Variants in ANKS1B observed in about 807,000 individuals in gnomAD.
ANKS1B encodes ankyrin repeat and sterile alpha motif domain containing 1B, also known as ankyrin repeat and sterile alpha motif domain-containing protein 1B.
ANKS1B carries 36 observed loss-of-function variants against 148.3 expected under a neutral mutation model. The observed-to-expected ratio is 0.24, with a 90% confidence interval of 0.19 to 0.32. The LOEUF (loss-of-function observed/expected upper bound fraction) is 0.32. Among genes scored for constraint, ANKS1B ranks in the 10% least tolerant of loss-of-function variants. The pLI is 1.00. For missense variants in ANKS1B, 1,157 were observed against 1,542.6 expected (o/e 0.75, Z 4.19); for synonymous variants, 542 against 560.8 (o/e 0.97, Z 0.47).
At chr12:99,429,181 A>G (rs12427349) in intron 11 of ANKS1B, among the ~76,000 whole-genome samples, 20,075 of 152,198 alleles carry the variant, frequency 0.13, 1,576 homozygotes, top group East Asian at 0.38. Flanking sequence ...GAAGAGAAAG[A>G]GTAACCTTAC....
intron 17 of ANKS1B, among the ~76,000 whole-genome samples, chr12:98,936,242 A>C (rs1381172612): frequency 6.6e-6 from 1 of 152,180 alleles, no homozygotes; most frequent in East Asian, 1.9e-4. Flanking sequence ...AGTTCATGGA[A>C]AGCATATTCT....
intron 1 of ANKS1B, among the ~76,000 whole-genome samples, chr12:99,924,834 T>C (rs923109972): frequency 2.6e-5 from 4 of 152,134 alleles, no homozygotes; most frequent in Non-Finnish European, 4.4e-5. Context: ...GCTGCCCAAA[T>C]AGACTAAAGA....
chr12:99,965,288 G>T (rs2095471450), intron 1 of ANKS1B, among the ~76,000 whole-genome samples: 1 of 152,020 alleles, frequency 6.6e-6, no homozygotes, highest in Non-Finnish European at 1.5e-5. Flanking sequence ...AGCCTAAAAG[G>T]GATCCTACTA....
intron 17 of ANKS1B, among the ~76,000 whole-genome samples, chr12:98,999,391 G>A (rs558242299): frequency 9.2e-5 from 14 of 152,136 alleles, no homozygotes; most frequent in African/African-American, 2.9e-4. Context: ...TGGTTACAGC[G>A]TGCCCTGGTC....
chr12:99,471,677 C>A (rs185784782), intron 10 of ANKS1B, among the ~76,000 whole-genome samples: 1 of 151,808 alleles, frequency 6.6e-6, no homozygotes, highest in South Asian at 2.1e-4. Flanking sequence ...CACATACACA[C>A]GCTCTTTAAA....
chr12:98,861,833 G>T (rs972856960), intron 17 of ANKS1B, among the ~76,000 whole-genome samples: 1 of 152,184 alleles, frequency 6.6e-6, no homozygotes, highest in African/African-American at 2.4e-5. Context: ...GAATCCTGGG[G>T]CTTCTGAGCT....
At chr12:99,523,695 G>T (rs2096898778) in intron 9 of ANKS1B, among the ~76,000 whole-genome samples, 1 of 151,498 alleles carries the variant, frequency 6.6e-6, no homozygotes, top group Non-Finnish European at 1.5e-5. Flanking sequence ...TGGGACCACA[G>T]GCGCCCGCCA....
chr12:99,775,527 G>T, intron 7 of ANKS1B, 21 bp downstream of exon 7: 1 of 1,528,864 alleles, frequency 6.5e-7, no homozygotes, highest in Non-Finnish European at 9.1e-7. Context: ...AGATTCCAGG[G>T]CTTTATAATT....
At chr12:99,462,267 G>A (rs893754742) in intron 10 of ANKS1B, among the ~76,000 whole-genome samples, 1 of 152,188 alleles carries the variant, frequency 6.6e-6, no homozygotes, top group Non-Finnish European at 1.5e-5. Context: ...ACTGACCCAA[G>A]GCCATGCCCC....
intron 9 of ANKS1B, among the ~76,000 whole-genome samples, chr12:99,615,376 G>A (rs2097946882): frequency 6.6e-6 from 1 of 151,976 alleles, no homozygotes; most frequent in East Asian, 1.9e-4. Context: ...CATTTACTTT[G>A]CAGAATACTT....
chr12:98,986,082 A>T (rs1203941366), intron 17 of ANKS1B, among the ~76,000 whole-genome samples: 2 of 152,148 alleles, frequency 1.3e-5, no homozygotes, highest in Non-Finnish European at 2.9e-5. Flanking sequence ...TATTTTTAAC[A>T]AGAAGTTTGT....
intron 1 of ANKS1B, among the ~76,000 whole-genome samples, chr12:99,905,143 G>C (rs2093732817): frequency 6.6e-6 from 1 of 152,114 alleles, no homozygotes; most frequent in Admixed American, 6.5e-5. Flanking sequence ...TTAGCTCTCT[G>C]CTAGTCTGAA....
intron 17 of ANKS1B, among the ~76,000 whole-genome samples, chr12:98,874,575 A>T (rs2099682741): frequency 6.6e-6 from 1 of 152,198 alleles, no homozygotes; most frequent in Non-Finnish European, 1.5e-5. Context: ...TGGGGTGGAT[A>T]GAACATTGAT....
rs137863359 is a variant in ANKS1B at position 99,731,816 on chromosome 12, C to A, written c.1128+41106G>T. On this transcript the variant is annotated intron_variant, in intron 8 of 26. Transcript: ENST00000683438. Reference sequence around the variant, plus strand: ...CACACATAAAAACTGTAAAACTGGGCTTCATCAAAAATTTTTAAAGTTTGT... The same window carrying A: ...CACACATAAAAACTGTAAAACTGGGATTCATCAAAAATTTTTAAAGTTTGT... Among the ~76,000 whole-genome samples, 601 of 152,154 alleles carry A rather than the reference C, an allele frequency of 3.9e-3. 6 individuals carry two copies. The highest frequency in any genetic ancestry group is 0.014 in the African/African-American group (576 of 41,480).
Position 99,154,406 on chromosome 12 carries a change from A to T in ANKS1B, c.2420-11T>A. 6.2e-7 allele frequency: 1 copy of T among 1,613,740 alleles called. No homozygotes were observed. Among genetic ancestry groups the T allele is most frequent in the Non-Finnish European group, 8.5e-7 (1 of 1,179,740 alleles). On this transcript the variant is annotated splice_polypyrimidine_tract_variant and intron_variant, in intron 14 of 26. Transcript: ENST00000683438. ...CAGGGCATCTGGGTCCTGTAAGAGG[A>T]TGAAGAGGGAAGCGTTTAAGCAGGG...
intron 2 of ANKS1B, among the ~76,000 whole-genome samples, chr12:99,823,526 A>C (rs1306127408): frequency 6.6e-6 from 1 of 152,086 alleles, no homozygotes; most frequent in Non-Finnish European, 1.5e-5. Context: ...GGCTGGTCTC[A>C]AACTTCTGGC....
chr12:99,486,284 T>C (rs2096487355), intron 10 of ANKS1B, among the ~76,000 whole-genome samples: 1 of 152,040 alleles, frequency 6.6e-6, no homozygotes, highest in Non-Finnish European at 1.5e-5. Flanking sequence ...CTTGGTACTT[T>C]CAGGGGTGAA....
chr12:98,940,196 C>A (rs1258794137), intron 17 of ANKS1B, among the ~76,000 whole-genome samples: 1 of 152,202 alleles, frequency 6.6e-6, no homozygotes, highest in Non-Finnish European at 1.5e-5. Flanking sequence ...CTGAGCCTCT[C>A]CTAACCACCT....
chr12:99,370,080 TG>T (rs34257059), intron 12 of ANKS1B, among the ~76,000 whole-genome samples: 38,121 of 151,850 alleles, frequency 0.25, 5,140 homozygotes, highest in East Asian at 0.49. Flanking sequence ...AGGAGATTAG[TG>T]GGGCATGATT....
Sources: allele counts gnomAD v4.1 joint callset (sites outside exome capture counted in the v4.1 genomes callset), GRCh38; gene constraint gnomAD v4.1.1; transcripts MANE v1.5; gene names NCBI Gene and HGNC (gene_info 2026-07-23, HGNC 2026-07-21).